The following MIS18BP1 variants were observed in gnomAD, a reference collection of about 807,000 sequenced individuals.
MIS18BP1 encodes the protein MIS18 binding protein 1.
A neutral mutation model predicts 116.1 loss-of-function variants in MIS18BP1; 72 were observed. The observed-to-expected ratio is 0.62, with a 90% CI of 0.51 to 0.75. The LOEUF is 0.75. Among genes scored for constraint, MIS18BP1 ranks in the 30% least tolerant of loss-of-function variants. The pLI, the probability that MIS18BP1 is intolerant of heterozygous loss-of-function variation, is 0.00. For synonymous variants in MIS18BP1, 386 were observed against 427.0 expected, an observed-to-expected ratio of 0.90 and a Z score of 1.18; for missense variants, 1,363 against 1,303.2, an observed-to-expected ratio of 1.05 and a Z score of -0.71.
At chr14:45,227,550 A>G (rs761115361) in intron 9 of MIS18BP1, 113 bp downstream of exon 9, 22 of 303,502 alleles carry the variant, frequency 7.2e-5, no homozygotes, top group Non-Finnish European at 9.8e-5. Flanking sequence ...ATCTCAAAAG[A>G]AAAAAAAAAA....
intron 11 of MIS18BP1, among the ~76,000 whole-genome samples, chr14:45,220,005 G>C (rs943419183): frequency 3.3e-5 from 5 of 152,074 alleles, no homozygotes; most frequent in Admixed American, 2.6e-4. Context: ...TTAGTGTAAC[G>C]CTGTATTGTT....
chr14:45,227,559 A>C (rs1891156355), intron 9 of MIS18BP1, 104 bp downstream of exon 9: 1 of 1,040,920 alleles, frequency 9.6e-7, no homozygotes, highest in African/African-American at 1.6e-5. Flanking sequence ...GAAAAAAAAA[A>C]AAAAAACAGA....
At position 45,224,714 on chromosome 14, in the gene MIS18BP1, T is replaced by C. The variant is rs758424836; in HGVS notation, c.1873A>G (p.Ile625Val). The change falls in exon 11 of 17, where the codon ATT (isoleucine) becomes GTT (valine). Residue 625 changes from isoleucine (I) to valine (V), a missense_variant. Physicochemically the swap from Ile to Val is conservative, Grantham distance 29. Transcript: ENST00000310806. ...AAAAACTGTTCCCTTGAGGTTAGAATATCAATGGATACATCCAATTCTTCA... is the reference window on the plus strand; with the variant it reads ...AAAAACTGTTCCCTTGAGGTTAGAACATCAATGGATACATCCAATTCTTCA... ...TTEELDVSID[I>V]LTSREQFFSD... 18 of 1,593,738 alleles carry C rather than the reference T, an allele frequency of 1.1e-5. 1 individual carries two copies. The Admixed American group carries it at 3.1e-4, about 28-fold the overall frequency.
chr14:45,208,200 T>C (rs1159323969), intron 14 of MIS18BP1, among the ~76,000 whole-genome samples: 2 of 151,860 alleles, frequency 1.3e-5, no homozygotes, highest in Non-Finnish European at 2.9e-5. Flanking sequence ...AATTTATAAC[T>C]TTCCTTATTT....
chr14:45,219,800 T>G (rs989392427), intron 11 of MIS18BP1, among the ~76,000 whole-genome samples: 2 of 152,232 alleles, frequency 1.3e-5, no homozygotes, highest in African/African-American at 4.8e-5. Flanking sequence ...CTTCTCTATT[T>G]GTGTGTGTGG....
chr14:45,227,363 C>T (rs1202109081), intron 9 of MIS18BP1, among the ~76,000 whole-genome samples: 1 of 151,846 alleles, frequency 6.6e-6, no homozygotes, highest in African/African-American at 2.4e-5. Context: ...AAAAATTAGC[C>T]AGGCGTGGTG....
At chr14:45,208,425 C>T (rs1450849196) in intron 14 of MIS18BP1, among the ~76,000 whole-genome samples, 3 of 151,262 alleles carry the variant, frequency 2.0e-5, no homozygotes, top group Non-Finnish European at 2.9e-5. Context: ...CTCTGCCTCC[C>T]GGGTTCAGGT....
At chr14:45,250,969 G>A (rs949649708) in intron 1 of MIS18BP1, among the ~76,000 whole-genome samples, 2 of 150,636 alleles carry the variant, frequency 1.3e-5, no homozygotes, top group African/African-American at 2.5e-5. Flanking sequence ...CCCGGGAGGC[G>A]GAGCTTGCAG....
Position 45,242,449 on chromosome 14 carries a change from C to T in MIS18BP1, c.728G>A (p.Arg243Lys), listed in dbSNP as rs755903285. The T allele has an allele frequency of 3.1e-6, 5 of 1,613,044 alleles. No individual in the cohort carries two copies. The East Asian group carries it at 8.9e-5, about 29-fold the overall frequency. The stretch of plus-strand genomic sequence containing the variant: ...AAAAATTTGTTTAGCCAACTGAGCT[C>T]TAGTTAATGTCTTGTTTCGGGCTTC... ...AVEARNKTLT[R>K]AQLAKQIFHS... Residue 243 changes from arginine to lysine, a missense_variant, in exon 4 of 17, where the codon AGA becomes AAA. Coordinates refer to ENST00000310806, the MANE Select transcript of MIS18BP1 (RefSeq NM_018353.5).
At chr14:45,237,614 T>G (rs761992544) in intron 5 of MIS18BP1, 34 bp downstream of exon 5, 45 of 1,580,108 alleles carry the variant, frequency 2.8e-5, no homozygotes, top group Non-Finnish European at 3.8e-5. Context: ...ATAACTAAAG[T>G]TTTATTAAAA....
chr14:45,223,081 CAAA>C lies in MIS18BP1; in HGVS notation c.2669+834_2669+836del, dbSNP rs951715575. Among the ~76,000 whole-genome samples the C allele has an allele frequency of 1.3e-4, 20 of 152,206 alleles. No homozygotes were observed. In the East Asian group the frequency reaches 3.7e-3, roughly 28 times the overall value. ...GAGAAAAGACAAAAACAAAACAAAA[CAAA>C]ACAAAACAAAACAAAAACAAACCAA... On this transcript the variant is annotated intron_variant, in intron 11 of 16. Transcript: ENST00000310806.
chr14:45,241,081 G>C (rs186663829), intron 4 of MIS18BP1, among the ~76,000 whole-genome samples: 18 of 152,254 alleles, frequency 1.2e-4, no homozygotes, highest in Admixed American at 3.3e-4. Context: ...GCTGGCCTGG[G>C]CAACAGAGTA....
At chr14:45,210,150 C>T in intron 14 of MIS18BP1, 1 of 356,812 alleles carries the variant, frequency 2.8e-6, no homozygotes, top group Non-Finnish European at 4.9e-6. Context: ...AAACCTTGAT[C>T]CATTTCGAAT....
chr14:45,252,899 T>C (rs1432537878), intron 1 of MIS18BP1, 136 bp downstream of exon 1: 1 of 152,104 alleles, frequency 6.6e-6, no homozygotes, highest in Non-Finnish European at 1.5e-5. Context: ...GTGCGAAGTA[T>C]AAAATCCGTA....
chr14:45,231,019 A>G, intron 8 of MIS18BP1, 122 bp downstream of exon 8: 1 of 879,908 alleles, frequency 1.1e-6, no homozygotes, highest in South Asian at 3.1e-5. Flanking sequence ...ATGTGGGGGC[A>G]GTATAAGTCA....
At chr14:45,229,553 A>T (rs1386062107) in intron 8 of MIS18BP1, among the ~76,000 whole-genome samples, 1 of 152,018 alleles carries the variant, frequency 6.6e-6, no homozygotes, top group Non-Finnish European at 1.5e-5. Flanking sequence ...CACAGCTGGT[A>T]TGTAAAATAG....
intron 13 of MIS18BP1, among the ~76,000 whole-genome samples, chr14:45,214,026 G>C (rs1174559161): frequency 6.6e-6 from 1 of 152,180 alleles, no homozygotes; most frequent in Non-Finnish European, 1.5e-5. Context: ...GAAGGCCACA[G>C]GGACCTCTGC....
At chr14:45,220,325 T>G (rs1890939022) in intron 11 of MIS18BP1, among the ~76,000 whole-genome samples, 1 of 152,184 alleles carries the variant, frequency 6.6e-6, no homozygotes, top group Admixed American at 6.5e-5. Context: ...TAAGGTCCAT[T>G]TGTCTTGAAT....
At position 45,204,455 on chromosome 14, in the gene MIS18BP1, T is replaced by C; in HGVS notation, c.3241-2A>G. Reference sequence around the variant, plus strand: ...TGGAGTTGAGAAATCAGTTTCAACCTATAAAAGAGTTACTATTAATAGCTA... The same window carrying C: ...TGGAGTTGAGAAATCAGTTTCAACCCATAAAAGAGTTACTATTAATAGCTA... On this transcript the variant is annotated splice_acceptor_variant, in intron 15 of 16. Coordinates refer to ENST00000310806, the MANE Select transcript of MIS18BP1 (RefSeq NM_018353.5). LOFTEE classifies it high-confidence loss of function. The C allele has an allele frequency of 2.5e-6, 4 of 1,591,384 alleles. No individual in the cohort carries two copies. The highest frequency in any genetic ancestry group is 3.4e-6 in the Non-Finnish European group (4 of 1,171,330).
Sources: gnomAD v4.1 joint callset for allele counts (sites outside exome capture counted in the v4.1 genomes callset) on GRCh38, gnomAD v4.1.1 for gene constraint, MANE v1.5 for transcripts, NCBI Gene and HGNC (gene_info 2026-07-23, HGNC 2026-07-21) for gene names.